C1QTNF3: variants seen among roughly 807,000 people sequenced by gnomAD.
C1QTNF3 encodes the protein C1q and TNF related 3.
A neutral mutation model predicts 32.6 loss-of-function variants in C1QTNF3; 26 were observed. That is an observed-to-expected ratio of 0.80 (90% CI 0.58 to 1.11). The LOEUF (loss-of-function observed/expected upper bound fraction) is 1.11. C1QTNF3 is among the 50% of genes least tolerant of loss of function. C1QTNF3 has a pLI of 0.00. For synonymous variants in C1QTNF3, 155 were observed against 146.0 expected (o/e 1.06, Z -0.44); for missense variants, 362 against 398.2 (o/e 0.91, Z 0.77).
At chr5:34,184,720 A>C in the C1QTNF3 span, among the ~76,000 whole-genome samples, 1 of 151,856 alleles carries the variant, frequency 6.6e-6, no homozygotes, top group African/African-American at 2.4e-5. Flanking sequence ...TGTCTCAAAA[A>C]AAAAAAAAAA....
chr5:34,177,623 A>T, the C1QTNF3 span, among the ~76,000 whole-genome samples: 2 of 150,928 alleles, frequency 1.3e-5, no homozygotes, highest in Admixed American at 6.6e-5. Flanking sequence ...AGTAGCTGGG[A>T]TTACAGGTAC....
the C1QTNF3 span, among the ~76,000 whole-genome samples, chr5:34,145,112 G>A: frequency 6.6e-6 from 1 of 152,208 alleles, no homozygotes; most frequent in Middle Eastern, 3.4e-3. Flanking sequence ...CTGGGTGACA[G>A]GGTGAGACTC....
chr5:34,085,852 T>A, the C1QTNF3 span, among the ~76,000 whole-genome samples: 3 of 151,752 alleles, frequency 2.0e-5, no homozygotes, highest in East Asian at 5.8e-4. Flanking sequence ...GAGTGTAAAT[T>A]TGTTCAATCA....
At chr5:34,031,732 G>A (rs1183254524) in intron 3 of C1QTNF3, among the ~76,000 whole-genome samples, 1 of 152,148 alleles carries the variant, frequency 6.6e-6, no homozygotes, top group Non-Finnish European at 1.5e-5. Context: ...CTACTCCAGA[G>A]GCTGAGGCAA....
chr5:34,044,377 C>CTA (rs1754945692), upstream of C1QTNF3, among the ~76,000 whole-genome samples: 1 of 152,052 alleles, frequency 6.6e-6, no homozygotes, highest in South Asian at 2.1e-4. Context: ...GACCCAGGAC[C>CTA]GTAAATAGCA....
At chr5:34,199,447 T>C in the C1QTNF3 span, among the ~76,000 whole-genome samples, 1 of 151,632 alleles carries the variant, frequency 6.6e-6, no homozygotes, top group East Asian at 1.9e-4. Flanking sequence ...TAGATATATG[T>C]ATGGAAATGA....
the C1QTNF3 span, among the ~76,000 whole-genome samples, chr5:34,116,090 A>G: frequency 6.6e-6 from 1 of 152,112 alleles, no homozygotes; most frequent in Non-Finnish European, 1.5e-5. Flanking sequence ...TTCATCTCAA[A>G]GCATTTTCAA....
At chr5:34,179,578 T>A in the C1QTNF3 span, among the ~76,000 whole-genome samples, 1 of 151,668 alleles carries the variant, frequency 6.6e-6, no homozygotes, top group Non-Finnish European at 1.5e-5. Context: ...TAACTTGAGA[T>A]GTATTTTACA....
the C1QTNF3 span, among the ~76,000 whole-genome samples, chr5:34,070,999 C>T: frequency 6.6e-6 from 1 of 152,052 alleles, no homozygotes; most frequent in African/African-American, 2.4e-5. Context: ...ACATTTAGAG[C>T]AAAATGAAAT....
the C1QTNF3 span, among the ~76,000 whole-genome samples, chr5:34,223,709 A>C: frequency 6.6e-6 from 1 of 152,198 alleles, no homozygotes; most frequent in East Asian, 1.9e-4. Context: ...AATGATTGCC[A>C]TTCTAACTGG....
intron 3 of C1QTNF3, among the ~76,000 whole-genome samples, chr5:34,029,697 A>C (rs1482286828): frequency 6.6e-6 from 1 of 152,238 alleles, no homozygotes; most frequent in African/African-American, 2.4e-5. Context: ...TCTTGGTAGA[A>C]GTTTCATGGG....
the C1QTNF3 span, among the ~76,000 whole-genome samples, chr5:34,089,503 C>T: frequency 6.6e-6 from 1 of 152,312 alleles, no homozygotes; most frequent in African/African-American, 2.4e-5. Flanking sequence ...TGTGAAGACA[C>T]AGCTAGATGC....
chr5:34,084,474 C>CAGG, the C1QTNF3 span, among the ~76,000 whole-genome samples: 1 of 151,598 alleles, frequency 6.6e-6, no homozygotes, highest in South Asian at 2.1e-4. Flanking sequence ...AAGATATAGT[C>CAGG]TCCCTGTCTT....
At chr5:34,161,588 G>T in the C1QTNF3 span, among the ~76,000 whole-genome samples, 2 of 152,076 alleles carry the variant, frequency 1.3e-5, no homozygotes, top group Non-Finnish European at 2.9e-5. Flanking sequence ...TTATGAAGCT[G>T]TTTGGACATT....
At chr5:34,098,766 A>G in the C1QTNF3 span, among the ~76,000 whole-genome samples, 2 of 152,082 alleles carry the variant, frequency 1.3e-5, no homozygotes, top group Non-Finnish European at 2.9e-5. Context: ...GTGTTTCACT[A>G]TTACTTGGTT....
At chr5:34,078,329 A>G in the C1QTNF3 span, among the ~76,000 whole-genome samples, 1 of 151,824 alleles carries the variant, frequency 6.6e-6, no homozygotes, top group Non-Finnish European at 1.5e-5. The surrounding 1 kb of genome is among the most constrained non-coding windows in gnomAD (Gnocchi z 4.0). Flanking sequence ...CCACTGCTGT[A>G]AAGACACTGA....
the C1QTNF3 span, among the ~76,000 whole-genome samples, chr5:34,068,666 A>G: frequency 6.6e-5 from 10 of 152,198 alleles, no homozygotes; most frequent in African/African-American, 2.4e-4. Context: ...CATAAGTAAT[A>G]GTATGACCAT....
At chr5:34,207,947 C>T in the C1QTNF3 span, among the ~76,000 whole-genome samples, 415 of 152,084 alleles carry the variant, frequency 2.7e-3, 3 homozygotes, top group African/African-American at 9.3e-3. Flanking sequence ...GCCACCGTGC[C>T]CGGCTAATTT....
chr5:34,231,155 T>C, the C1QTNF3 span, among the ~76,000 whole-genome samples: 1 of 152,110 alleles, frequency 6.6e-6, no homozygotes, highest in Admixed American at 6.6e-5. Flanking sequence ...TTCAATAAAC[T>C]TAGTTTTGCT....
Sources: gnomAD v4.1 joint callset for allele counts (sites outside exome capture counted in the v4.1 genomes callset) on GRCh38, gnomAD v4.1.1 for gene constraint, Gnocchi (gnomAD v3.1) non-coding constraint, MANE v1.5 for transcripts, NCBI Gene and HGNC (gene_info 2026-07-23, HGNC 2026-07-21) for gene names.